Variants in TIMM22 observed in about 807,000 individuals in gnomAD.
TIMM22 encodes the protein mitochondrial import inner membrane translocase subunit Tim22.
A neutral mutation model predicts 18.3 loss-of-function variants in TIMM22; 12 were observed. The ratio of observed to expected loss-of-function variants is 0.65; its 90% CI spans 0.42 to 1.06. The LOEUF (loss-of-function observed/expected upper bound fraction) is 1.06, where lower values mean the gene tolerates loss of function less well. Among genes scored for constraint, TIMM22 ranks in the 50% least tolerant of loss-of-function variants. The pLI, the probability that TIMM22 is intolerant of heterozygous loss-of-function variation, is 0.00. For missense variants in TIMM22, 278 were observed against 252.8 expected (o/e 1.10, Z -0.68); for synonymous variants, 107 against 98.5 (o/e 1.09, Z -0.51).
rs2069781404 is a variant in TIMM22 at position 1,002,884 on chromosome 17, T to C, written c.*1796T>C. On this transcript the variant is annotated 3_prime_UTR_variant, in exon 4 of 4. Coordinates refer to ENST00000327158, the MANE Select transcript of TIMM22 (RefSeq NM_013337.4). Reference sequence around the variant, plus strand: ...ACCCATCGGTTCAGTAAGCGAGGCATTGTCCACGCTGCCTATTCACTCGAG... The same window carrying C: ...ACCCATCGGTTCAGTAAGCGAGGCACTGTCCACGCTGCCTATTCACTCGAG... 1 of 152,182 alleles carries C rather than the reference T, an allele frequency of 6.6e-6. No individual in the cohort carries two copies. Among genetic ancestry groups the C allele is most frequent in the Non-Finnish European group, 1.5e-5 (1 of 68,020 alleles). The allele number at this position is 152,182 out of a possible 1,614,324, so 9.4% of individuals were successfully genotyped here.
chr17:998,707 T>C, intron 1 of TIMM22, 72 bp from the exon 2 acceptor site: 1 of 1,523,906 alleles, frequency 6.6e-7, no homozygotes, highest in Non-Finnish European at 8.9e-7. Flanking sequence ...GCATGGTCCC[T>C]TCCAGGATGA....
intron 3 of TIMM22, 112 bp downstream of exon 3, chr17:999,696 CAAAT>C (rs1305055858): frequency 1.5e-5 from 15 of 1,021,144 alleles, no homozygotes; most frequent in African/African-American, 6.5e-5. Flanking sequence ...TTCCCTCTGA[CAAAT>C]AAATCATGTT....
Position 998,960 on chromosome 17 carries a change from G to A in TIMM22, c.420G>A (p.Glu140=). 1 of 1,612,920 alleles carries A rather than the reference G, an allele frequency of 6.2e-7. No individual in the cohort carries two copies. Among genetic ancestry groups the A allele is most frequent in the Non-Finnish European group, 8.5e-7 (1 of 1,179,184 alleles). ...TGGGAGCCATGTTTTCTTGTACTGA[G>A]TGTTTGATAGAATCTGTAAGTGTCT... The part of the protein sequence containing the change: ...AIVGAMFSCT[E]CLIESYRGTS... The change falls in exon 2 of 4, where the codon GAG becomes GAA. Residue 140 remains glutamate, a synonymous_variant. Coordinates refer to ENST00000327158, the MANE Select transcript of TIMM22 (RefSeq NM_013337.4).
intron 2 of TIMM22, 119 bp from the exon 3 acceptor site, chr17:999,393 A>C (rs563777551): frequency 1.6e-6 from 1 of 615,266 alleles, no homozygotes; most frequent in South Asian, 3.1e-5. Context: ...ATTTTCAAGA[A>C]AGATTAGGTT....
intron 3 of TIMM22, among the ~76,000 whole-genome samples, chr17:1,000,084 G>C (rs540135171): frequency 2.1e-4 from 11 of 53,236 alleles, no homozygotes; most frequent in African/African-American, 9.7e-4. Flanking sequence ...TTTTTTAGTA[G>C]AGATCAATTT....
chr17:997,589 G>T (rs1055918377), intron 1 of TIMM22, among the ~76,000 whole-genome samples: 1 of 152,206 alleles, frequency 6.6e-6, no homozygotes, highest in African/African-American at 2.4e-5. Flanking sequence ...CGGTGCTGTG[G>T]TTGGGGCCTG....
rs1302213973 is a variant in TIMM22 at position 1,002,996 on chromosome 17, A to ATCT, written c.*1911_*1913dup. On this transcript the variant is annotated 3_prime_UTR_variant, in exon 4 of 4. Coordinates refer to ENST00000327158, the MANE Select transcript of TIMM22 (RefSeq NM_013337.4). Reference sequence around the variant, plus strand: ...CAATTTTCAGAGACATCTGTTCCTGATCTTCAGAATAAACTCAGTGTCCAG... The same window carrying ATCT: ...CAATTTTCAGAGACATCTGTTCCTGATCTTCTTCAGAATAAACTCAGTGTCCAG... 1.3e-5 allele frequency: 2 copies of ATCT among 152,116 alleles called. No homozygotes were observed. Among genetic ancestry groups the ATCT allele is most frequent in the Non-Finnish European group, 1.5e-5 (1 of 68,040 alleles). The allele number at this position is 152,116 out of a possible 1,614,324, so 9.4% of individuals were successfully genotyped here.
intron 3 of TIMM22, among the ~76,000 whole-genome samples, 170 bp from the exon 4 acceptor site, chr17:1,000,842 G>A (rs1368853643): frequency 6.6e-6 from 1 of 152,216 alleles, no homozygotes; most frequent in African/African-American, 2.4e-5. Flanking sequence ...AAGCGCACTG[G>A]ATTAGATCAT....
At position 1,002,505 on chromosome 17, in the gene TIMM22, C is replaced by T. The variant is rs2069772602; in HGVS notation, c.*1417C>T. The T allele has an allele frequency of 6.6e-6, 1 of 152,244 alleles. No homozygotes were observed. Among genetic ancestry groups the T allele is most frequent in the Non-Finnish European group, 1.5e-5 (1 of 68,050 alleles). 9.4% of individuals were successfully genotyped at this position (152,244 alleles called of 1,614,324 possible). A position where few individuals can be genotyped will look rare whatever the true frequency, so the allele number is the denominator to read the frequency against. ...GTCAAACCCAGCTGGTAACACCTTC[C>T]TTGGGTCATGTTTGCCATTTTCTTG... On this transcript the variant is annotated 3_prime_UTR_variant, in exon 4 of 4. Transcript: ENST00000327158.
chr17:999,687 TC>T (rs2069723964), intron 3 of TIMM22, 103 bp downstream of exon 3: 2 of 1,069,678 alleles, frequency 1.9e-6, no homozygotes, highest in Non-Finnish European at 2.8e-6. Flanking sequence ...TTGATCTTCT[TC>T]CCTCTGACAA....
At position 997,221 on chromosome 17, in the gene TIMM22, C is replaced by A; in HGVS notation, c.79C>A (p.Leu27Met). The A allele has an allele frequency of 6.2e-7, 1 of 1,613,200 alleles. No individual in the cohort carries two copies. The highest frequency in any genetic ancestry group is 8.5e-7 in the Non-Finnish European group (1 of 1,179,938). ...GSAEAPLQYS[L>M]LLQYLVGDKR... is the part of the protein sequence containing the mutation. ...CGCCGAAGCTCCGCTGCAGTACAGC[C>A]TGCTCCTGCAGTACCTGGTGGGTGA... is the stretch of plus-strand genomic sequence containing the variant. Residue 27 changes from leucine to methionine, a missense_variant, in exon 1 of 4, where the codon CTG becomes ATG. Physicochemically the swap from Leu to Met is conservative, Grantham distance 15. Coordinates refer to ENST00000327158, the MANE Select transcript of TIMM22 (RefSeq NM_013337.4).
intron 2 of TIMM22, among the ~76,000 whole-genome samples, chr17:999,288 T>C (rs2150665115): frequency 6.8e-6 from 1 of 147,662 alleles, no homozygotes; most frequent in South Asian, 2.1e-4. Context: ...TTCAGCACTC[T>C]GGTGCCACCT....
rs373528817 is a variant in TIMM22, at chr17:997,365, C to T, written c.223C>T (p.Leu75=). ...AMESCAFKAA[L]ACVGGFVLGG... is the part of the protein sequence containing the mutation. The stretch of plus-strand genomic sequence containing the variant: ...GGAAAGCTGCGCTTTCAAGGCTGCG[C>T]TGGCCTGCGTGGGAGGTGAGGCCGG... Residue 75 remains leucine (L), a synonymous_variant, in exon 1 of 4, where the codon CTG becomes TTG. Transcript: ENST00000327158. The T allele has an allele frequency of 1.4e-5, 23 of 1,613,018 alleles. No homozygotes were observed. The highest frequency in any genetic ancestry group is 1.9e-5 in the Non-Finnish European group (22 of 1,179,648).
Position 999,557 on chromosome 17 carries a change from A to G in TIMM22, c.481A>G (p.Ile161Val). 3 of 1,613,684 alleles carry G rather than the reference A, an allele frequency of 1.9e-6. No individual in the cohort carries two copies. Among genetic ancestry groups the G allele is most frequent in the Non-Finnish European group, 2.5e-6 (3 of 1,179,858 alleles). Residue 161 changes from isoleucine to valine, a missense_variant, in exon 3 of 4, where the codon ATC becomes GTC. Coordinates refer to ENST00000327158, the MANE Select transcript of TIMM22 (RefSeq NM_013337.4). The stretch of plus-strand genomic sequence containing the variant: ...GAAGAACAGTGTCATCAGTGGCTGC[A>G]TCACGGGAGGAGCTATTGGTTTCAG... ...DWKNSVISGCITGGAIGFRAG... is the reference protein window; with the variant it reads ...DWKNSVISGCVTGGAIGFRAG...
In TIMM22 at chr17:1,002,051, A is replaced by G. The variant is rs568511260; in HGVS notation, c.*963A>G. ...CGTCGCTGAGGGGCTGTTCACCACC[A>G]TCCTCGTTCTCCAGGGTCAAGGAAG... On this transcript the variant is annotated 3_prime_UTR_variant, in exon 4 of 4. Transcript: ENST00000327158. The G allele has an allele frequency of 6.6e-6, 1 of 151,640 alleles. No homozygotes were observed. Among genetic ancestry groups the G allele is most frequent in the East Asian group, 1.9e-4 (1 of 5,148 alleles). 9.4% of individuals were successfully genotyped at this position (151,640 alleles called of 1,614,324 possible).
chr17:998,209 A>G (rs1597307540), intron 1 of TIMM22, among the ~76,000 whole-genome samples: 2 of 152,334 alleles, frequency 1.3e-5, no homozygotes, highest in Non-Finnish European at 2.9e-5. Context: ...CCATGAGGTC[A>G]TGAGAGGGCA....
At chr17:1,000,774 T>C (rs866597203) in intron 3 of TIMM22, among the ~76,000 whole-genome samples, 1 of 152,252 alleles carries the variant, frequency 6.6e-6, no homozygotes, top group South Asian at 2.1e-4. Context: ...GAGGGGCTAT[T>C]TCCCTAAGAC....
At chr17:998,418 T>G (rs2069706623) in intron 1 of TIMM22, among the ~76,000 whole-genome samples, 1 of 152,198 alleles carries the variant, frequency 6.6e-6, no homozygotes, top group Non-Finnish European at 1.5e-5. Context: ...TGGCATGTGC[T>G]CAGTAAAGCA....
At chr17:999,838 C>T (rs545552582) in intron 3 of TIMM22, among the ~76,000 whole-genome samples, 5 of 152,172 alleles carry the variant, frequency 3.3e-5, no homozygotes, top group East Asian at 1.9e-4. Context: ...CATTCTAAGA[C>T]GTTGAGCAGT....
Sources: gnomAD v4.1 joint callset for allele counts (sites outside exome capture counted in the v4.1 genomes callset) on GRCh38, gnomAD v4.1.1 for gene constraint, MANE v1.5 for transcripts, NCBI Gene and HGNC (gene_info 2026-07-23, HGNC 2026-07-21) for gene names.